ZBTB1: variants seen among roughly 807,000 people sequenced by gnomAD.
ZBTB1 encodes zinc finger and BTB domain-containing protein 1.
Under a neutral mutation model 51.6 loss-of-function variants are expected in ZBTB1, and 13 were observed. That is an observed-to-expected ratio of 0.25 (90% CI 0.16 to 0.40). The LOEUF is 0.40. ZBTB1 is among the 10% of genes least tolerant of loss of function. ZBTB1 has a pLI of 1.00. For synonymous variants in ZBTB1, 240 were observed against 282.2 expected (o/e 0.85, Z 1.50); for missense variants, 567 against 856.5 (o/e 0.66, Z 4.22).
chr14:64,529,166 C>T (rs1216287152), downstream of ZBTB1, among the ~76,000 whole-genome samples: 4 of 152,048 alleles, frequency 2.6e-5, no homozygotes, highest in African/African-American at 9.7e-5. Context: ...TTTGATTTTC[C>T]TTCATTTAAA....
At chr14:64,529,577 G>T (rs2079928014), downstream of ZBTB1, among the ~76,000 whole-genome samples, 2 of 151,988 alleles carry the variant, frequency 1.3e-5, no homozygotes, top group Admixed American at 6.6e-5. Context: ...TTTGAGACTA[G>T]CCCTGGCAAC....
chr14:64,517,781 A>ATATATATATATATATTTT (rs1160337478), intron 1 of ZBTB1, among the ~76,000 whole-genome samples: 1 of 41,562 alleles, frequency 2.4e-5, no homozygotes, highest in Non-Finnish European at 4.6e-5. Context: ...ATATATATAT[A>ATATATATATATATATTTT]TTTTTTTTTT....
At chr14:64,532,741 C>G (rs1438084330) in exon 3 of ZBTB1, 1 of 151,848 alleles carries the variant, frequency 6.6e-6, no homozygotes, top group East Asian at 1.9e-4. Flanking sequence ...TTTCAAATTT[C>G]AAGATAAAAT....
At chr14:64,528,970 G>A (rs1201621474), downstream of ZBTB1, among the ~76,000 whole-genome samples, 2 of 152,174 alleles carry the variant, frequency 1.3e-5, no homozygotes, top group East Asian at 3.8e-4. Flanking sequence ...AAACACATGT[G>A]ATAAAGCTCC....
exon 3 of ZBTB1, chr14:64,532,026 C>A: frequency 1.8e-6 from 2 of 1,096,456 alleles, no homozygotes; most frequent in Non-Finnish European, 2.6e-6. Context: ...TTCCATCAAC[C>A]CAAAAAGTTC....
intron 1 of ZBTB1, among the ~76,000 whole-genome samples, chr14:64,507,384 A>T (rs2079676986): frequency 6.6e-6 from 1 of 152,184 alleles, no homozygotes; most frequent in Admixed American, 6.5e-5. Flanking sequence ...AATGTTTTTT[A>T]TTATAAAATC....
At chr14:64,508,078 T>C (rs932002195) in intron 1 of ZBTB1, among the ~76,000 whole-genome samples, 3 of 152,142 alleles carry the variant, frequency 2.0e-5, no homozygotes, top group African/African-American at 7.2e-5. Context: ...CTTAGCCATG[T>C]GTATTTAAGA....
downstream of ZBTB1, among the ~76,000 whole-genome samples, chr14:64,525,475 G>A (rs75993418): frequency 0.025 from 3,774 of 152,264 alleles, 52 homozygotes; most frequent in Middle Eastern, 0.054. Context: ...CTAACCCAGA[G>A]ACCATCAGAG....
chr14:64,507,132 G>A (rs2079673153), intron 1 of ZBTB1, among the ~76,000 whole-genome samples: 1 of 152,128 alleles, frequency 6.6e-6, no homozygotes, highest in Non-Finnish European at 1.5e-5. Flanking sequence ...ATTTGGTATA[G>A]AAATACAGAA....
At chr14:64,504,267 G>A (rs888896710), upstream of ZBTB1, among the ~76,000 whole-genome samples, 1 of 152,008 alleles carries the variant, frequency 6.6e-6, no homozygotes, top group African/African-American at 2.4e-5. Context: ...GGGTCGGGGG[G>A]GCGCGGGGAC....
At chr14:64,517,115 G>A (rs188661367) in intron 1 of ZBTB1, among the ~76,000 whole-genome samples, 1 of 152,130 alleles carries the variant, frequency 6.6e-6, no homozygotes, top group Non-Finnish European at 1.5e-5. Context: ...AAACTTACCT[G>A]ATGCTTAAAT....
At chr14:64,533,130 T>C (rs1047859205) in exon 3 of ZBTB1, 3 of 152,154 alleles carry the variant, frequency 2.0e-5, no homozygotes, top group Admixed American at 2.0e-4. Context: ...TAAAGTAGGA[T>C]AACTTGAATA....
At position 64,505,304 on chromosome 14, in the gene ZBTB1, C is replaced by T. The variant is rs185408152; in HGVS notation, c.-19+358C>T. 1.3e-4 allele frequency: 23 copies of T among 172,034 alleles called. No individual in the cohort carries two copies. The East Asian group carries it at 3.3e-3, about 25-fold the overall frequency. The allele number at this position is 172,034 out of a possible 1,614,324, so 10.7% of individuals were successfully genotyped here. On this transcript the variant is annotated intron_variant, in intron 1 of 1. Transcript: ENST00000683701. ...CCCGGTTGATTGACGTGCCTAGAGC[C>T]CGCTTCTCTCAACTTACAGCTGCGG...
Position 64,523,391 on chromosome 14 carries a change from A to C in ZBTB1, c.1887A>C (p.Lys629Asn). The C allele has an allele frequency of 6.2e-7, 1 of 1,614,216 alleles. No individual in the cohort carries two copies. The highest frequency in any genetic ancestry group is 8.5e-7 in the Non-Finnish European group (1 of 1,180,022). ...TGCGACTGCACAATGATATGCACAA[A>C]GGCATGGCCAGGTATGTCTGTTCCA... ...RQLRLHNDMH[K>N]GMARYVCSIC... The change falls in exon 2 of 2, where the codon AAA becomes AAC. Residue 629 changes from lysine to asparagine, a missense_variant. Lys to Asn is a moderately conservative substitution (Grantham distance 94, BLOSUM62 0). Transcript: ENST00000683701. The surrounding 1 kb of genome is among the most constrained non-coding windows in gnomAD (Gnocchi z 4.5).
At chr14:64,509,694 G>T (rs1284428688) in intron 1 of ZBTB1, among the ~76,000 whole-genome samples, 1 of 151,910 alleles carries the variant, frequency 6.6e-6, no homozygotes, top group East Asian at 1.9e-4. Context: ...ATCTGGCCGG[G>T]TGTGTGGTGG....
At chr14:64,533,040 T>A (rs533847153) in exon 3 of ZBTB1, 1 of 152,250 alleles carries the variant, frequency 6.6e-6, no homozygotes, top group South Asian at 2.1e-4. Context: ...TTTATTCCAA[T>A]GTTTTAACAA....
chr14:64,509,871 G>GGAGGCTGAGGCAGGAGAATGGCGT (rs2079706022), intron 1 of ZBTB1, among the ~76,000 whole-genome samples: 1 of 151,920 alleles, frequency 6.6e-6, no homozygotes, highest in African/African-American at 2.4e-5. Context: ...CAGCTACTCT[G>GGAGGCTGAGGCAGGAGAATGGCGT]GAGGCTGAGG....
In ZBTB1 at chr14:64,523,416, A is replaced by C; in HGVS notation, c.1912A>C (p.Ile638Leu). 1.2e-5 allele frequency: 20 copies of C among 1,614,216 alleles called. No homozygotes were observed. The highest frequency in any genetic ancestry group is 1.7e-5 in the Non-Finnish European group (20 of 1,180,012). Reference protein sequence around the residue: ...HKGMARYVCSICDQGNFRKHD... With the variant: ...HKGMARYVCSLCDQGNFRKHD... ...AGGCATGGCCAGGTATGTCTGTTCC[A>C]TTTGTGATCAAGGAAACTTCAGAAA... Residue 638 changes from isoleucine to leucine, a missense_variant, in exon 2 of 2, where the codon ATT becomes CTT. Coordinates refer to ENST00000683701, the MANE Select transcript of ZBTB1 (RefSeq NM_001123329.2). The surrounding 1 kb of genome is among the most constrained non-coding windows in gnomAD (Gnocchi z 4.5).
At position 64,521,761 on chromosome 14, in the gene ZBTB1, A is replaced by G. The variant is rs961995242; in HGVS notation, c.257A>G (p.Lys86Arg). Residue 86 changes from lysine to arginine, a missense_variant, in exon 2 of 2, where the codon AAA becomes AGA. Lys to Arg is a conservative substitution (Grantham distance 26). This residue lies in a region of ZBTB1 where 69 missense variants were observed against 136.4 expected (regional missense o/e 0.51). Transcript: ENST00000683701. ...DLILQFMYLG[K>R]IMTAPSSFEQ... ...ATTTTGCAGTTTATGTATTTAGGAA[A>G]AATTATGACAGCTCCCTCCAGTTTT... 6.2e-7 allele frequency: 1 copy of G among 1,612,636 alleles called. No homozygotes were observed. The highest frequency in any genetic ancestry group is 1.7e-5 in the Admixed American group (1 of 60,006).
Sources: gnomAD v4.1 joint callset for allele counts (sites outside exome capture counted in the v4.1 genomes callset) on GRCh38, gnomAD v4.1.1 for gene constraint, gnomAD v4.1.1 regional missense constraint, Gnocchi (gnomAD v3.1) non-coding constraint, MANE v1.5 for transcripts, NCBI Gene and HGNC (gene_info 2026-07-23, HGNC 2026-07-21) for gene names.